The following MGAT4C variants were observed in gnomAD, a reference collection of about 807,000 sequenced individuals.
The protein encoded by MGAT4C is MGAT4 family member C.
Under a neutral mutation model 40.1 loss-of-function variants are expected in MGAT4C, and 19 were observed. The observed-to-expected ratio is 0.47, with a 90% CI of 0.33 to 0.70. The LOEUF is 0.70. Ranked by LOEUF, MGAT4C falls within the 30% of genes least tolerant of loss-of-function variation. The pLI is 0.02. For missense variants in MGAT4C, 491 were observed against 563.2 expected, an observed-to-expected ratio of 0.87 and a Z score of 1.30; for synonymous variants, 181 against 187.1, an observed-to-expected ratio of 0.97 and a Z score of 0.27.
At chr12:86,770,441 T>C (rs1162142704) in intron 1 of MGAT4C, among the ~76,000 whole-genome samples, 3 of 152,128 alleles carry the variant, frequency 2.0e-5, no homozygotes, top group Non-Finnish European at 4.4e-5. Context: ...TAATCAAATG[T>C]TTCAAGAAAC....
chr12:86,528,742 T>C (rs761313740), intron 2 of MGAT4C, among the ~76,000 whole-genome samples: 4 of 152,108 alleles, frequency 2.6e-5, no homozygotes, highest in Non-Finnish European at 4.4e-5. Flanking sequence ...TTTAAGACTT[T>C]AGTGTATGAT....
At chr12:86,608,396 T>C (rs559356664) in intron 2 of MGAT4C, among the ~76,000 whole-genome samples, 170 of 152,044 alleles carry the variant, frequency 1.1e-3, no homozygotes, top group African/African-American at 3.5e-3. Context: ...CTGGGCAATA[T>C]AGAAAGACTC....
chr12:86,722,664 T>C (rs1004345287), intron 2 of MGAT4C, among the ~76,000 whole-genome samples: 1 of 152,122 alleles, frequency 6.6e-6, no homozygotes, highest in African/African-American at 2.4e-5. Flanking sequence ...AAACAGAATA[T>C]ATTGGCTGTT....
chr12:86,321,874 T>C (rs1954398156), intron 4 of MGAT4C, among the ~76,000 whole-genome samples: 1 of 152,052 alleles, frequency 6.6e-6, no homozygotes, highest in South Asian at 2.1e-4. Context: ...CATTACTGGG[T>C]ATATACCCAA....
chr12:86,085,132 T>A (rs1219230570), intron 1 of MGAT4C, among the ~76,000 whole-genome samples: 3 of 152,048 alleles, frequency 2.0e-5, no homozygotes, highest in Non-Finnish European at 2.9e-5. Flanking sequence ...ATTTATTTTT[T>A]AAATGTTTTC....
intron 1 of MGAT4C, among the ~76,000 whole-genome samples, chr12:86,222,004 T>C (rs1950897993): frequency 6.6e-6 from 1 of 152,238 alleles, no homozygotes; most frequent in Admixed American, 6.5e-5. Flanking sequence ...GGATCTTAAA[T>C]AATTGTTGAC....
intron 1 of MGAT4C, among the ~76,000 whole-genome samples, chr12:86,181,285 A>G (rs966916329): frequency 6.6e-6 from 1 of 152,126 alleles, no homozygotes; most frequent in Non-Finnish European, 1.5e-5. Context: ...AGCAGCATGA[A>G]AAAAAACTAA....
chr12:86,145,074 T>C (rs1271701923), intron 1 of MGAT4C, among the ~76,000 whole-genome samples: 1 of 152,160 alleles, frequency 6.6e-6, no homozygotes, highest in Non-Finnish European at 1.5e-5. Flanking sequence ...TGCAAAACCT[T>C]GCCAACTTTT....
chr12:86,292,254 A>T (rs113594313), intron 4 of MGAT4C, among the ~76,000 whole-genome samples: 12,077 of 152,136 alleles, frequency 0.079, 682 homozygotes, highest in Middle Eastern at 0.22. Flanking sequence ...AAATATAATG[A>T]AAAATTATAA....
chr12:86,182,785 G>C (rs1888270543), intron 1 of MGAT4C, among the ~76,000 whole-genome samples: 1 of 152,134 alleles, frequency 6.6e-6, no homozygotes, highest in Non-Finnish European at 1.5e-5. Flanking sequence ...GAAGAAGGAA[G>C]TTAGTATGGT....
chr12:85,957,895 G>T lies in MGAT4C; in HGVS notation c.*21394C>A, dbSNP rs1882895632. ...GTTGCTTTTTCTCCAAGAAAATTTGGAATGTTTTCATCTGACATAAATTAT... is the reference window on the plus strand; with the variant it reads ...GTTGCTTTTTCTCCAAGAAAATTTGTAATGTTTTCATCTGACATAAATTAT... On this transcript the variant is annotated 3_prime_UTR_variant, in exon 5 of 5. Coordinates refer to ENST00000611864, the MANE Select transcript of MGAT4C (RefSeq NM_001351288.2). 1 of 151,946 alleles carries T rather than the reference G, an allele frequency of 6.6e-6. No individual in the cohort carries two copies. The allele number at this position is 151,946 out of a possible 1,614,324, so 9.4% of individuals were successfully genotyped here.
At chr12:86,151,861 T>C (rs1409961611) in intron 1 of MGAT4C, among the ~76,000 whole-genome samples, 1 of 152,236 alleles carries the variant, frequency 6.6e-6, no homozygotes, top group Non-Finnish European at 1.5e-5. Context: ...GTTGTTCCTA[T>C]CACTAAGGCT....
intron 1 of MGAT4C, among the ~76,000 whole-genome samples, chr12:86,125,508 C>A (rs1187926939): frequency 5.3e-5 from 8 of 152,070 alleles, no homozygotes; most frequent in African/African-American, 1.9e-4. Flanking sequence ...CAGATCATCT[C>A]AAGACATCAG....
chr12:86,002,654 C>T (rs1887450722), intron 2 of MGAT4C, among the ~76,000 whole-genome samples: 1 of 148,944 alleles, frequency 6.7e-6, no homozygotes, highest in Non-Finnish European at 1.5e-5. Flanking sequence ...ATACATATAT[C>T]CCATTCTATG....
intron 2 of MGAT4C, among the ~76,000 whole-genome samples, chr12:86,013,132 C>T (rs1888679666): frequency 6.6e-6 from 1 of 152,178 alleles, no homozygotes; most frequent in African/African-American, 2.4e-5. Context: ...AAGACCTTGT[C>T]TCTTCTTCAA....
chr12:86,603,556 A>C (rs1214169799), intron 2 of MGAT4C, among the ~76,000 whole-genome samples: 1 of 115,058 alleles, frequency 8.7e-6, no homozygotes, highest in Non-Finnish European at 1.7e-5. Flanking sequence ...TAGATAATAT[A>C]TAGTCTATAG....
rs137940282 is a variant in MGAT4C, at chr12:86,199,909, C to G, written c.-57+56330G>C. Among the ~76,000 whole-genome samples, 451 of 152,054 alleles carry G rather than the reference C, an allele frequency of 3.0e-3. 2 individuals are homozygous for G. The highest frequency in any genetic ancestry group is 0.01 in the African/African-American group (430 of 41,530). ...TTTATGTATAATGAAATGCAAAGCT[C>G]TTAAGTGTATATTAAGATGAATTTT... On this transcript the variant is annotated intron_variant, in intron 1 of 4. Coordinates refer to ENST00000611864, the MANE Select transcript of MGAT4C (RefSeq NM_001351288.2).
intron 2 of MGAT4C, among the ~76,000 whole-genome samples, chr12:86,011,048 T>C (rs1888418857): frequency 6.6e-6 from 1 of 152,170 alleles, no homozygotes; most frequent in Non-Finnish European, 1.5e-5. Flanking sequence ...CATTTCTGTA[T>C]GTATAAATTA....
chr12:86,535,080 T>A (rs752392456), intron 2 of MGAT4C, among the ~76,000 whole-genome samples: 1 of 152,240 alleles, frequency 6.6e-6, no homozygotes, highest in Non-Finnish European at 1.5e-5. Flanking sequence ...TGAAATACTG[T>A]GAATACATAA....
Sources: gnomAD v4.1 joint callset for allele counts (sites outside exome capture counted in the v4.1 genomes callset) on GRCh38, gnomAD v4.1.1 for gene constraint, MANE v1.5 for transcripts, NCBI Gene and HGNC (gene_info 2026-07-23, HGNC 2026-07-21) for gene names.